The following CELF1 variants were observed in gnomAD, a reference collection of about 807,000 sequenced individuals.
CELF1 encodes 50 kDa nuclear polyadenylated RNA-binding protein.
In CELF1, 10 loss-of-function variants were observed where a neutral mutation model predicts 61.8. The observed-to-expected ratio is 0.16, with a 90% CI of 0.10 to 0.27. The LOEUF (loss-of-function observed/expected upper bound fraction) is 0.27, where lower values mean the gene tolerates loss of function less well. CELF1 is among the 10% of genes least tolerant of loss of function. The pLI is 1.00. For missense variants in CELF1, 380 were observed against 639.1 expected (o/e 0.59, Z 4.37); for synonymous variants, 236 against 225.1 (o/e 1.05, Z -0.43).
chr11:47,467,995 C>CA lies in CELF1; in HGVS notation c.*4234dup, dbSNP rs1260650264. ...TGATATATACGAAGGTGTGAAGAAA[C>CA]AGCAGGAAACATGCAAAACTTTTTT... On this transcript the variant is annotated 3_prime_UTR_variant, in exon 15 of 15. Coordinates refer to ENST00000687097, the MANE Select transcript of CELF1 (RefSeq NM_001376376.1). 2.6e-5 allele frequency: 4 copies of CA among 152,100 alleles called. No homozygotes were observed. In the East Asian group the frequency reaches 7.7e-4, roughly 29 times the overall value. 9.4% of individuals were successfully genotyped at this position (152,100 alleles called of 1,614,324 possible).
At chr11:47,507,982 A>T (rs1258239437) in intron 1 of CELF1, among the ~76,000 whole-genome samples, 2 of 152,186 alleles carry the variant, frequency 1.3e-5, no homozygotes, top group Admixed American at 6.6e-5. Flanking sequence ...AGAAGAAAGG[A>T]ACTTCCATTT....
rs891564551 is a variant in CELF1 at position 47,467,793 on chromosome 11, G to C, written c.*4437C>G. ...GACCTGGAGGCCACACGAAGTGACAGTCTAAGTGCACAGGCAAACGCTCTA... is the reference window on the plus strand; with the variant it reads ...GACCTGGAGGCCACACGAAGTGACACTCTAAGTGCACAGGCAAACGCTCTA... On this transcript the variant is annotated 3_prime_UTR_variant, in exon 15 of 15. Transcript: ENST00000687097. The C allele has an allele frequency of 2.0e-5, 3 of 152,200 alleles. No individual in the cohort carries two copies. The highest frequency in any genetic ancestry group is 4.4e-5 in the Non-Finnish European group (3 of 68,054). The allele number at this position is 152,200 out of a possible 1,614,324, so 9.4% of individuals were successfully genotyped here.
In CELF1 at chr11:47,477,333, T is replaced by A; in HGVS notation, c.937A>T (p.Thr313Ser). 1 of 1,614,100 alleles carries A rather than the reference T, an allele frequency of 6.2e-7. No homozygotes were observed. Among genetic ancestry groups the A allele is most frequent in the South Asian group, 1.1e-5 (1 of 91,078 alleles). Residue 313 changes from threonine to serine, a missense_variant, in exon 11 of 15, where the codon ACA (threonine) becomes TCA (serine). Physicochemically the swap from Thr to Ser is moderately conservative, Grantham distance 58. Transcript: ENST00000687097. ...AGCACGCTGAGGGGACTGCTGGATG[T>A]AGTGAGAGCATTGGTACCACTTGGT... ...NTPSGTNALT[T>S]SSSPLSVLTS...
At chr11:47,552,739 G>A (rs1328663842) in intron 1 of CELF1, among the ~76,000 whole-genome samples, 2 of 152,168 alleles carry the variant, frequency 1.3e-5, no homozygotes, top group Non-Finnish European at 2.9e-5. Context: ...GCAAAGCCAC[G>A]AGGAGGGCGG....
chr11:47,483,429 C>G lies in CELF1; in HGVS notation c.606+24G>C, dbSNP rs748266055. On this transcript the variant is annotated intron_variant, in intron 8 of 14. Coordinates refer to ENST00000687097, the MANE Select transcript of CELF1 (RefSeq NM_001376376.1). ...CAGCATTCCCAAGCTGAGGAATTTT[C>G]CCCATCACCTATCTGCTCCCTACCT... 34 of 1,597,358 alleles carry G rather than the reference C, an allele frequency of 2.1e-5. 1 individual carries two copies. Among genetic ancestry groups the G allele is most frequent in the Non-Finnish European group, 2.8e-5 (33 of 1,165,138 alleles).
chr11:47,561,610 T>C (rs2097225856), intron 2 of CELF1, among the ~76,000 whole-genome samples: 1 of 152,158 alleles, frequency 6.6e-6, no homozygotes. Flanking sequence ...TTTGGAAAAC[T>C]GACAGTTCTT....
intron 1 of CELF1, chr11:47,523,616 A>C (rs138322053): frequency 2.6e-5 from 4 of 152,390 alleles, no homozygotes; most frequent in Non-Finnish European, 2.9e-5. Flanking sequence ...GCCACAGAAG[A>C]AGCTGCCTCA....
rs1340831143 is a variant in CELF1 at position 47,467,255 on chromosome 11, C to T, written c.*4975G>A. On this transcript the variant is annotated 3_prime_UTR_variant, in exon 15 of 15. Transcript: ENST00000687097. Reference sequence around the variant, plus strand: ...GATCCACCCTGTGCTCCTCTCCTCACCTCTCCCCCTCCACTCACATTCTTA... The same window carrying T: ...GATCCACCCTGTGCTCCTCTCCTCATCTCTCCCCCTCCACTCACATTCTTA... The T allele has an allele frequency of 6.6e-6, 1 of 152,394 alleles. No individual in the cohort carries two copies. Among genetic ancestry groups the T allele is most frequent in the Non-Finnish European group, 1.5e-5 (1 of 68,196 alleles). The allele number at this position is 152,394 out of a possible 1,614,324, so 9.4% of individuals were successfully genotyped here.
chr11:47,473,944 T>C (rs1247056812), intron 13 of CELF1, among the ~76,000 whole-genome samples: 1 of 152,144 alleles, frequency 6.6e-6, no homozygotes, highest in Non-Finnish European at 1.5e-5. Context: ...GCTCACTCTG[T>C]TGCCCAGGTT....
At chr11:47,497,264 T>A (rs576840295) in intron 3 of CELF1, among the ~76,000 whole-genome samples, 8 of 152,136 alleles carry the variant, frequency 5.3e-5, no homozygotes, top group Non-Finnish European at 1.2e-4. Context: ...CACATCAGTG[T>A]CCCCTTAAGC....
In CELF1 at chr11:47,470,141, T is replaced by TCCTG. The variant is rs1397552544; in HGVS notation, c.*2085_*2088dup. The TCCTG allele has an allele frequency of 2.0e-5, 3 of 152,100 alleles. No homozygotes were observed. Among genetic ancestry groups the TCCTG allele is most frequent in the African/African-American group, 7.2e-5 (3 of 41,422 alleles). 9.4% of individuals were successfully genotyped at this position (152,100 alleles called of 1,614,324 possible). A position where few individuals can be genotyped will look rare whatever the true frequency, so the allele number is the denominator to read the frequency against. ...CAATCACATTCTGGATTCTACAAAATCCTGGCCTTTTCCAGAGATATAATT... is the reference window on the plus strand; with the variant it reads ...CAATCACATTCTGGATTCTACAAAATCCTGCCTGGCCTTTTCCAGAGATATAATT... On this transcript the variant is annotated 3_prime_UTR_variant, in exon 15 of 15. Coordinates refer to ENST00000687097, the MANE Select transcript of CELF1 (RefSeq NM_001376376.1).
chr11:47,556,933 T>C (rs1159878859), upstream of CELF1, among the ~76,000 whole-genome samples: 1 of 152,194 alleles, frequency 6.6e-6, no homozygotes, highest in Non-Finnish European at 1.5e-5. Context: ...GGAGTCTTGC[T>C]CTGTTGCCCA....
intron 1 of CELF1, among the ~76,000 whole-genome samples, chr11:47,544,064 C>G (rs1157121975): frequency 6.6e-6 from 1 of 152,202 alleles, no homozygotes; most frequent in Non-Finnish European, 1.5e-5. Context: ...AAGTATTCCA[C>G]AAGGAACAAC....
At chr11:47,554,180 C>T (rs75997812), upstream of CELF1, among the ~76,000 whole-genome samples, 105 of 152,166 alleles carry the variant, frequency 6.9e-4, 5 homozygotes, top group East Asian at 0.018. Context: ...TTTCCTCTTT[C>T]GCCTTTGGGG....
intron 3 of CELF1, among the ~76,000 whole-genome samples, chr11:47,493,740 T>G (rs771077157): frequency 1.2e-4 from 18 of 151,994 alleles, no homozygotes; most frequent in Non-Finnish European, 2.6e-4. Context: ...TGGGGAGAGA[T>G]ATGGTCCCTT....
At chr11:47,541,804 A>C (rs1444509596) in intron 1 of CELF1, among the ~76,000 whole-genome samples, 1 of 141,184 alleles carries the variant, frequency 7.1e-6, no homozygotes, top group Admixed American at 7.2e-5. Flanking sequence ...GAAAGAAAGA[A>C]AGAAAGAAAG....
chr11:47,537,608 A>AT (rs1474144162), intron 1 of CELF1, among the ~76,000 whole-genome samples: 3 of 152,150 alleles, frequency 2.0e-5, no homozygotes, highest in Non-Finnish European at 4.4e-5. Context: ...TTTTTTCCAG[A>AT]TAACTCCTTG....
chr11:47,482,647 C>A, intron 9 of CELF1, 48 bp downstream of exon 9: 1 of 1,560,490 alleles, frequency 6.4e-7, no homozygotes, highest in Non-Finnish European at 8.7e-7. Flanking sequence ...GAAGAAGGAA[C>A]AGCTGGGAGC....
chr11:47,530,934 C>T (rs114180206), intron 1 of CELF1, among the ~76,000 whole-genome samples: 11 of 151,800 alleles, frequency 7.2e-5, no homozygotes, highest in South Asian at 4.2e-4. Flanking sequence ...CAAGCCTGGG[C>T]GACAAAGGAA....
Sources: allele counts gnomAD v4.1 joint callset (sites outside exome capture counted in the v4.1 genomes callset), GRCh38; gene constraint gnomAD v4.1.1; transcripts MANE v1.5; gene names NCBI Gene and HGNC (gene_info 2026-07-23, HGNC 2026-07-21).